The following SRPK1 variants were observed in gnomAD, a reference collection of about 807,000 sequenced individuals.
SRPK1 encodes the protein SFRS protein kinase 1.
A neutral mutation model predicts 89.5 loss-of-function variants in SRPK1; 52 were observed. That is an observed-to-expected ratio of 0.58 (90% confidence interval 0.46 to 0.73). SRPK1 has a LOEUF of 0.73. SRPK1 is among the 30% of genes least tolerant of loss of function. SRPK1 has a pLI of 0.00. For synonymous variants in SRPK1, 255 were observed against 270.2 expected (o/e 0.94, Z 0.55); for missense variants, 603 against 780.6 (o/e 0.77, Z 2.71).
At chr6:35,870,193 G>C in intron 10 of SRPK1, 88 bp downstream of exon 10, 1 of 1,134,660 alleles carries the variant, frequency 8.8e-7, no homozygotes, top group Non-Finnish European at 1.3e-6. Context: ...GAGATGTGTT[G>C]TATGTATGAA....
At chr6:35,915,652 T>C (rs1429441876) in intron 2 of SRPK1, among the ~76,000 whole-genome samples, 1 of 152,012 alleles carries the variant, frequency 6.6e-6, no homozygotes, top group Non-Finnish European at 1.5e-5. Context: ...GGGAAAAGTA[T>C]GCCCAGTGAT....
intron 15 of SRPK1, among the ~76,000 whole-genome samples, chr6:35,836,754 CAATAATAATAATAAT>C (rs10540061): frequency 3.5e-5 from 5 of 143,394 alleles, no homozygotes; most frequent in Admixed American, 2.8e-4. Context: ...TACCCTGTCT[CAATAATAATAATAAT>C]AATAATAATA....
chr6:35,878,696 C>T (rs1171120322), intron 6 of SRPK1, among the ~76,000 whole-genome samples: 1 of 152,200 alleles, frequency 6.6e-6, no homozygotes, highest in Non-Finnish European at 1.5e-5. Context: ...TTAAGCCCCT[C>T]TTCTGGCTCA....
intron 13 of SRPK1, among the ~76,000 whole-genome samples, chr6:35,848,326 G>C (rs570529198): frequency 6.6e-6 from 1 of 152,170 alleles, no homozygotes; most frequent in African/African-American, 2.4e-5. Flanking sequence ...GGAGGCTGAA[G>C]TGGGCAGATC....
At chr6:35,850,045 C>G (rs1331443670) in intron 13 of SRPK1, among the ~76,000 whole-genome samples, 1 of 151,420 alleles carries the variant, frequency 6.6e-6, no homozygotes, top group Non-Finnish European at 1.5e-5. Flanking sequence ...ATGGTGGTTA[C>G]AGAGACTGGG....
intron 13 of SRPK1, among the ~76,000 whole-genome samples, chr6:35,845,488 T>C (rs78313905): frequency 0.033 from 5,027 of 152,344 alleles, 100 homozygotes; most frequent in Middle Eastern, 0.065. Flanking sequence ...CTCTAGACTA[T>C]TGCCTTTGAG....
chr6:35,844,607 C>G (rs1173131510), intron 13 of SRPK1, among the ~76,000 whole-genome samples: 1 of 152,142 alleles, frequency 6.6e-6, no homozygotes, highest in Non-Finnish European at 1.5e-5. Context: ...AATACTATCT[C>G]TAAATGTCAG....
chr6:35,891,152 T>C (rs1273737312), intron 2 of SRPK1, 139 bp from the exon 3 acceptor site: 2 of 982,464 alleles, frequency 2.0e-6, no homozygotes, highest in South Asian at 2.8e-5. Context: ...AGGAAAATAT[T>C]AGCTGTAGTT....
At position 35,835,867 on chromosome 6, in the gene SRPK1, G is replaced by A. The variant is rs997302370; in HGVS notation, c.1784-379C>T. Among the ~76,000 whole-genome samples the A allele has an allele frequency of 7.2e-5, 11 of 152,036 alleles. No individual in the cohort carries two copies. The South Asian group carries it at 2.1e-3, about 29-fold the overall frequency. On this transcript the variant is annotated intron_variant, in intron 15 of 15. Coordinates refer to ENST00000373825, the MANE Select transcript of SRPK1 (RefSeq NM_003137.5). ...TAGTACCACATACCGAGAATAATTT[G>A]CTTATACTCTTTTTTTGTGTATGTG...
At chr6:35,902,902 GA>G (rs1195613010) in intron 2 of SRPK1, among the ~76,000 whole-genome samples, 1 of 152,162 alleles carries the variant, frequency 6.6e-6, no homozygotes, top group African/African-American at 2.4e-5. Context: ...TATGTAGGTA[GA>G]AAAAACCTGG....
Position 35,855,203 on chromosome 6 carries a change from G to A in SRPK1, c.1620+2058C>T, listed in dbSNP as rs140521753. Among the ~76,000 whole-genome samples the A allele has an allele frequency of 1.7e-3, 263 of 152,214 alleles. 6 individuals are homozygous for A. In the South Asian group the frequency reaches 0.026, roughly 15 times the overall value. On this transcript the variant is annotated intron_variant, in intron 13 of 15. Transcript: ENST00000373825. ...TGTAGTCCCAGATACTTGGGAAGCT[G>A]AGGCAGGAGAATGGCGTGAACCTGG...
At chr6:35,868,550 T>C (rs956965016) in intron 12 of SRPK1, among the ~76,000 whole-genome samples, 6 of 152,158 alleles carry the variant, frequency 3.9e-5, no homozygotes, top group East Asian at 3.9e-4. Flanking sequence ...AGGGAAACAA[T>C]GTAATGAACT....
intron 2 of SRPK1, among the ~76,000 whole-genome samples, chr6:35,903,685 C>G (rs1216552244): frequency 6.6e-6 from 1 of 152,090 alleles, no homozygotes; most frequent in Non-Finnish European, 1.5e-5. Context: ...TTTTGTTCAC[C>G]AAACAAGAAT....
chr6:35,890,981 T>G lies in SRPK1; in HGVS notation c.107A>C (p.His36Pro). 1 of 1,553,122 alleles carries G rather than the reference T, an allele frequency of 6.4e-7. No homozygotes were observed. The highest frequency in any genetic ancestry group is 1.2e-5 in the South Asian group (1 of 84,090). ...CTGCTCTGGTAGATCACTCTCAGAG[T>G]GGGGAGCAGAGCCTCGGTGCTGAGT... Reference protein sequence around the residue: ...SETQHRGSAPHSESDLPEQEE... With the variant: ...SETQHRGSAPPSESDLPEQEE... The change falls in exon 3 of 16, where the codon CAC becomes CCC. Residue 36 changes from histidine (H) to proline (P), a missense_variant. Physicochemically the swap from His to Pro is moderately conservative, Grantham distance 77. Transcript: ENST00000373825.
At chr6:35,910,778 T>C (rs567567001) in intron 2 of SRPK1, among the ~76,000 whole-genome samples, 1 of 152,366 alleles carries the variant, frequency 6.6e-6, no homozygotes, top group Non-Finnish European at 1.5e-5. Flanking sequence ...CTTAGGGCTC[T>C]TAAGAATTAT....
At chr6:35,881,126 A>C (rs898694267) in intron 6 of SRPK1, among the ~76,000 whole-genome samples, 1 of 152,210 alleles carries the variant, frequency 6.6e-6, no homozygotes, top group Admixed American at 6.5e-5. Flanking sequence ...GAGAAAAATT[A>C]AGACATCCCA....
At chr6:35,856,228 T>TTTGTAG in intron 13 of SRPK1, among the ~76,000 whole-genome samples, 7 of 152,224 alleles carry the variant, frequency 4.6e-5, no homozygotes, top group African/African-American at 1.2e-4. Flanking sequence ...TGGGTGAGCA[T>TTTGTAG]CCCTCGGTGG....
At chr6:35,913,010 G>A (rs1771005040) in intron 2 of SRPK1, among the ~76,000 whole-genome samples, 1 of 152,216 alleles carries the variant, frequency 6.6e-6, no homozygotes, top group Non-Finnish European at 1.5e-5. Context: ...TCAAGTTCCT[G>A]GGCTCAAGGC....
At chr6:35,920,864 G>A (rs916282681) in intron 1 of SRPK1, 180 bp downstream of exon 1, 13 of 615,746 alleles carry the variant, frequency 2.1e-5, no homozygotes, top group African/African-American at 9.8e-5. Context: ...GAGGACGCCC[G>A]GACTGAGGGG....
Sources: gnomAD v4.1 joint callset for allele counts (sites outside exome capture counted in the v4.1 genomes callset) on GRCh38, gnomAD v4.1.1 for gene constraint, MANE v1.5 for transcripts, NCBI Gene and HGNC (gene_info 2026-07-23, HGNC 2026-07-21) for gene names.